The following PTPN3 variants were observed in gnomAD, a reference collection of about 807,000 sequenced individuals.
The protein encoded by PTPN3 is protein tyrosine phosphatase non-receptor type 3.
Under a neutral mutation model 132.7 loss-of-function variants are expected in PTPN3, and 96 were observed. The ratio of observed to expected loss-of-function variants is 0.72; its 90% confidence interval spans 0.61 to 0.86. The LOEUF (loss-of-function observed/expected upper bound fraction) is 0.86, where lower values mean the gene tolerates loss of function less well. Ranked by LOEUF, PTPN3 falls within the 40% of genes least tolerant of loss-of-function variation. The pLI, the probability that PTPN3 is intolerant of heterozygous loss-of-function variation, is 0.00. For missense variants in PTPN3, 1,125 were observed against 1,159.6 expected (o/e 0.97, Z 0.43); for synonymous variants, 398 against 429.0 (o/e 0.93, Z 0.89).
chr9:109,493,005 TCTTA>T (rs1358884011), intron 1 of PTPN3, among the ~76,000 whole-genome samples: 1 of 152,254 alleles, frequency 6.6e-6, no homozygotes, highest in African/African-American at 2.4e-5. Flanking sequence ...AAATTATTAT[TCTTA>T]CTTCCCAAGC....
the PTPN3 span, among the ~76,000 whole-genome samples, chr9:109,528,293 G>T: frequency 6.6e-6 from 1 of 152,190 alleles, no homozygotes; most frequent in African/African-American, 2.4e-5. Flanking sequence ...AACATTCTTA[G>T]CTGCATCATT....
Position 109,377,846 on chromosome 9 carries a change from G to T in PTPN3, c.*1710C>A, listed in dbSNP as rs1042716482. Reference sequence around the variant, plus strand: ...GTAGAGCTTCTAAGCAACCAGGCCCGCAAGTAGTTAGTGCTGAGTGGGCGT... The same window carrying T: ...GTAGAGCTTCTAAGCAACCAGGCCCTCAAGTAGTTAGTGCTGAGTGGGCGT... On this transcript the variant is annotated 3_prime_UTR_variant, in exon 26 of 26. Transcript: ENST00000374541. 6.6e-6 allele frequency: 1 copy of T among 152,182 alleles called. No homozygotes were observed. Among genetic ancestry groups the T allele is most frequent in the Non-Finnish European group, 1.5e-5 (1 of 68,040 alleles). The allele number at this position is 152,182 out of a possible 1,614,324, so 9.4% of individuals were successfully genotyped here.
chr9:109,464,926 G>A (rs892809669), intron 1 of PTPN3, among the ~76,000 whole-genome samples: 7 of 152,160 alleles, frequency 4.6e-5, no homozygotes, highest in African/African-American at 9.7e-5. Flanking sequence ...TGTGTAGTGA[G>A]GGGAAGGGGG....
chr9:109,506,606 TC>T, the PTPN3 span, among the ~76,000 whole-genome samples: 2 of 110,596 alleles, frequency 1.8e-5, no homozygotes, highest in Admixed American at 2.1e-4. Context: ...TTTCTTTCTT[TC>T]TTTTTTTTTT....
rs142762737 is a variant in PTPN3, at chr9:109,405,279, C to T, written c.1793-671G>A. On this transcript the variant is annotated intron_variant, in intron 18 of 25. Coordinates refer to ENST00000374541, the MANE Select transcript of PTPN3 (RefSeq NM_002829.4). ...ACCGGAGAGATCTGGTAAGGCCTCA[C>T]GGAGGAGGTGGGGTCAGAGCTGGTC... Among the ~76,000 whole-genome samples, 17 of 152,252 alleles carry T rather than the reference C, an allele frequency of 1.1e-4. No individual in the cohort carries two copies. The East Asian group carries it at 1.9e-3, about 17-fold the overall frequency.
chr9:109,439,678 G>T (rs1844312976), intron 7 of PTPN3, among the ~76,000 whole-genome samples: 3 of 152,218 alleles, frequency 2.0e-5, no homozygotes, highest in Non-Finnish European at 4.4e-5. Context: ...GGAGGCCAAG[G>T]CGGGTGGATC....
At chr9:109,381,611 C>G (rs757524707) in intron 25 of PTPN3, 41 bp downstream of exon 25, 14 of 1,611,006 alleles carry the variant, frequency 8.7e-6, no homozygotes, top group Non-Finnish European at 1.1e-5. Flanking sequence ...TGTAAGTGCT[C>G]AGAAAGTGCC....
At chr9:109,416,358 G>A (rs544888554) in intron 14 of PTPN3, among the ~76,000 whole-genome samples, 45 of 152,286 alleles carry the variant, frequency 3.0e-4, no homozygotes, top group African/African-American at 1.0e-3. Context: ...CTCAGGGCTG[G>A]GGGAATTCCT....
At chr9:109,429,780 A>G (rs552535368) in intron 10 of PTPN3, among the ~76,000 whole-genome samples, 19 of 152,316 alleles carry the variant, frequency 1.2e-4, no homozygotes, top group African/African-American at 4.6e-4. Context: ...TCATTCATTT[A>G]TGCAAAACTT....
At chr9:109,380,047 C>T (rs1838912464) in intron 25 of PTPN3, among the ~76,000 whole-genome samples, 1 of 152,124 alleles carries the variant, frequency 6.6e-6, no homozygotes, top group African/African-American at 2.4e-5. Flanking sequence ...TGGTTGTGGG[C>T]ACCTTGTGTT....
chr9:109,392,370 G>A (rs1840198298), intron 19 of PTPN3, among the ~76,000 whole-genome samples: 1 of 150,162 alleles, frequency 6.7e-6, no homozygotes, highest in African/African-American at 2.4e-5. Flanking sequence ...TTTTTTCAGT[G>A]TTGGAAGTGA....
Position 109,391,878 on chromosome 9 carries a change from G to GC in PTPN3, c.1954-318_1954-317insG, listed in dbSNP as rs11370244. On this transcript the variant is annotated intron_variant, in intron 19 of 25. Coordinates refer to ENST00000374541, the MANE Select transcript of PTPN3 (RefSeq NM_002829.4). ...CTAAAAGCAACTAGATGTGGGGGGG[G>GC]GGGGGAAGAATTCTGGCTCAAAATT... 1.9e-4 allele frequency among the ~76,000 whole-genome samples: 19 copies of GC among 99,508 alleles called. 2 individuals carry two copies. The highest frequency in any genetic ancestry group is 7.8e-4 in the South Asian group (2 of 2,580). 65.3% of individuals were successfully genotyped at this position (99,508 alleles called of 152,430 possible). A position where few individuals can be genotyped will look rare whatever the true frequency, so the allele number is the denominator to read the frequency against.
chr9:109,381,187 A>C (rs534468703), intron 25 of PTPN3, among the ~76,000 whole-genome samples: 2 of 152,190 alleles, frequency 1.3e-5, no homozygotes, highest in Non-Finnish European at 2.9e-5. Context: ...GAAATCCCCA[A>C]GAGTTATCCC....
the PTPN3 span, among the ~76,000 whole-genome samples, chr9:109,518,424 C>T: frequency 0.067 from 10,239 of 152,182 alleles, 523 homozygotes; most frequent in East Asian, 0.23. Context: ...ATGCCTAGTC[C>T]AATTGGAGGC....
At chr9:109,516,341 A>C in the PTPN3 span, among the ~76,000 whole-genome samples, 1 of 152,228 alleles carries the variant, frequency 6.6e-6, no homozygotes, top group Admixed American at 6.5e-5. Flanking sequence ...AAGAAGTACG[A>C]GTACGATACT....
At chr9:109,382,190 A>T in intron 24 of PTPN3, 112 bp downstream of exon 24, 3 of 1,318,462 alleles carry the variant, frequency 2.3e-6, no homozygotes, top group Non-Finnish European at 3.1e-6. Context: ...AGAGGTTTGT[A>T]AGGGCACACG....
chr9:109,508,881 C>G, the PTPN3 span, among the ~76,000 whole-genome samples: 1 of 152,086 alleles, frequency 6.6e-6, no homozygotes, highest in South Asian at 2.1e-4. Context: ...ACCTCCACAC[C>G]CAAGAGTCAT....
the PTPN3 span, among the ~76,000 whole-genome samples, chr9:109,523,879 A>T: frequency 2.8e-5 from 4 of 141,772 alleles, no homozygotes; most frequent in Admixed American, 2.8e-4. Context: ...TCCTCTTTCA[A>T]CCCCTTGGTC....
At chr9:109,534,650 A>AC in the PTPN3 span, among the ~76,000 whole-genome samples, 95 of 149,376 alleles carry the variant, frequency 6.4e-4, no homozygotes, top group Middle Eastern at 3.4e-3. Context: ...AAAAAAAAAA[A>AC]AAATACCTGG....
Sources: gnomAD v4.1 joint callset for allele counts (sites outside exome capture counted in the v4.1 genomes callset) on GRCh38, gnomAD v4.1.1 for gene constraint, MANE v1.5 for transcripts, NCBI Gene and HGNC (gene_info 2026-07-23, HGNC 2026-07-21) for gene names.